The following MGAT4C variants were observed in gnomAD, a reference collection of about 807,000 sequenced individuals.
MGAT4C encodes the protein MGAT4 family member C.
In MGAT4C, 19 loss-of-function variants were observed where a neutral mutation model predicts 40.1. That is an observed-to-expected ratio of 0.47 (90% CI 0.33 to 0.70). The LOEUF is 0.70. Ranked by LOEUF, MGAT4C falls within the 30% of genes least tolerant of loss-of-function variation. MGAT4C has a pLI of 0.02. For missense variants in MGAT4C, 491 were observed against 563.2 expected (o/e 0.87, Z 1.30); for synonymous variants, 181 against 187.1 (o/e 0.97, Z 0.27).
At chr12:86,794,179 T>C (rs1161873569) in intron 1 of MGAT4C, among the ~76,000 whole-genome samples, 1 of 151,812 alleles carries the variant, frequency 6.6e-6, no homozygotes, top group Non-Finnish European at 1.5e-5. Flanking sequence ...TTTATAAAAA[T>C]ATATTCAGAC....
At position 86,317,620 on chromosome 12, in the gene MGAT4C, TAAC is replaced by T. The variant is rs1954275345; in HGVS notation, c.-57+16442_-57+16444del. Among the ~76,000 whole-genome samples, 20 of 152,176 alleles carry T rather than the reference TAAC, an allele frequency of 1.3e-4. No homozygotes were observed. In the South Asian group the frequency reaches 3.9e-3, roughly 30 times the overall value. ...TGACTTTGGGCTTATTTTATGTAGA[TAAC>T]AAAGCAAACCTCTACTCTTTTGAGA... On this transcript the variant is annotated intron_variant, in intron 4 of 7. Transcript: ENST00000548651.
chr12:86,814,737 T>C (rs1056279887), intron 1 of MGAT4C, among the ~76,000 whole-genome samples: 2 of 151,930 alleles, frequency 1.3e-5, no homozygotes, highest in African/African-American at 4.8e-5. Context: ...CCCTCTTGAA[T>C]GGGATGAGTG....
rs1277856310 is a variant in MGAT4C, at chr12:86,215,599, CA to C, written c.-57+40639del. On this transcript the variant is annotated intron_variant, in intron 1 of 4. Coordinates refer to ENST00000611864, the MANE Select transcript of MGAT4C (RefSeq NM_001351288.2). ...GCTGTAACCAATCAAGCTGTTTCTG[CA>C]TATTTCTTCCTTTTTTTCTGTCTGC... 7.2e-5 allele frequency among the ~76,000 whole-genome samples: 11 copies of C among 152,116 alleles called. 1 individual carries two copies. The highest frequency in any genetic ancestry group is 1.3e-4 in the Non-Finnish European group (9 of 68,030).
intron 3 of MGAT4C, among the ~76,000 whole-genome samples, chr12:86,384,446 TG>T (rs1956015051): frequency 6.6e-6 from 1 of 152,168 alleles, no homozygotes; most frequent in African/African-American, 2.4e-5. Flanking sequence ...GGGATAATGG[TG>T]TTCAGGATTG....
Position 86,834,477 on chromosome 12 carries a change from G to C in MGAT4C, c.-262+4189C>G, listed in dbSNP as rs189821754. Among the ~76,000 whole-genome samples the C allele has an allele frequency of 7.9e-5, 12 of 151,838 alleles. No individual in the cohort carries two copies. In the East Asian group the frequency reaches 1.9e-3, roughly 25 times the overall value. Reference sequence around the variant, plus strand: ...GTGGACCTGGATGTGGTGATGTTATGACAGAAACAACAATAACCATTAATA... The same window carrying C: ...GTGGACCTGGATGTGGTGATGTTATCACAGAAACAACAATAACCATTAATA... On this transcript the variant is annotated intron_variant, in intron 1 of 7. Transcript: ENST00000548651.
chr12:86,765,722 A>C (rs1325242497), intron 1 of MGAT4C, among the ~76,000 whole-genome samples: 3 of 152,208 alleles, frequency 2.0e-5, no homozygotes, highest in Non-Finnish European at 4.4e-5. Flanking sequence ...CAACATTCTT[A>C]AAGAAAAGAA....
chr12:86,551,445 C>A (rs1044367726), intron 2 of MGAT4C, among the ~76,000 whole-genome samples: 1 of 152,228 alleles, frequency 6.6e-6, no homozygotes, highest in African/African-American at 2.4e-5. Context: ...GGCAGACATT[C>A]CTCCAGGCCA....
intron 2 of MGAT4C, among the ~76,000 whole-genome samples, chr12:86,630,857 C>A (rs145199302): frequency 6.6e-6 from 1 of 152,116 alleles, no homozygotes; most frequent in Non-Finnish European, 1.5e-5. Flanking sequence ...ACAGGGATGC[C>A]GTCTTTCACC....
At chr12:86,456,432 A>C (rs146943227) in intron 2 of MGAT4C, among the ~76,000 whole-genome samples, 3 of 152,228 alleles carry the variant, frequency 2.0e-5, no homozygotes, top group African/African-American at 7.2e-5. Flanking sequence ...TGTGTTTCAA[A>C]AACCATCCTT....
chr12:86,471,531 C>G (rs1957757768), intron 2 of MGAT4C, among the ~76,000 whole-genome samples: 1 of 151,544 alleles, frequency 6.6e-6, no homozygotes, highest in Non-Finnish European at 1.5e-5. Flanking sequence ...TAAATACTTA[C>G]AAAAAAAGGA....
chr12:86,176,547 T>G (rs1420169558), intron 1 of MGAT4C, among the ~76,000 whole-genome samples: 1 of 152,088 alleles, frequency 6.6e-6, no homozygotes, highest in Non-Finnish European at 1.5e-5. Flanking sequence ...TCTGGCAATT[T>G]GACTCTATAG....
intron 3 of MGAT4C, among the ~76,000 whole-genome samples, chr12:86,336,410 C>T (rs1479527548): frequency 6.6e-6 from 1 of 152,166 alleles, no homozygotes; most frequent in Non-Finnish European, 1.5e-5. Flanking sequence ...ATTTTTCTTT[C>T]ACATTCTCAG....
intron 1 of MGAT4C, among the ~76,000 whole-genome samples, chr12:86,144,045 G>A (rs563659676): frequency 5.3e-5 from 8 of 152,284 alleles, no homozygotes; most frequent in Non-Finnish European, 1.0e-4. Context: ...GGGATGATGC[G>A]CACAAGTACG....
chr12:86,526,395 C>T (rs901187628), intron 2 of MGAT4C, among the ~76,000 whole-genome samples: 2 of 152,120 alleles, frequency 1.3e-5, no homozygotes, highest in African/African-American at 4.8e-5. Context: ...CACACACACA[C>T]AAAGTGATAT....
intron 2 of MGAT4C, among the ~76,000 whole-genome samples, chr12:86,480,666 G>C (rs1565790696): frequency 6.6e-6 from 1 of 151,134 alleles, no homozygotes; most frequent in Non-Finnish European, 1.5e-5. Context: ...GTACGTATGT[G>C]TGTATATATG....
At chr12:86,585,913 A>T (rs1015596337) in intron 2 of MGAT4C, among the ~76,000 whole-genome samples, 1 of 150,744 alleles carries the variant, frequency 6.6e-6, no homozygotes, top group East Asian at 2.0e-4. Flanking sequence ...TGAATTTCTC[A>T]CAACACTACA....
intron 2 of MGAT4C, among the ~76,000 whole-genome samples, chr12:86,027,112 A>T (rs1335282469): frequency 6.6e-6 from 1 of 151,844 alleles, no homozygotes; most frequent in Non-Finnish European, 1.5e-5. Context: ...GAAATAACGA[A>T]TTTTTCACTA....
rs1475798342 is a variant in MGAT4C at position 86,819,817 on chromosome 12, T to G, written c.-262+18849A>C. 4.0e-5 allele frequency among the ~76,000 whole-genome samples: 6 copies of G among 150,794 alleles called. 1 individual carries two copies. The East Asian group carries it at 1.2e-3, about 29-fold the overall frequency. The stretch of plus-strand genomic sequence containing the variant: ...TAAAGTTGCACTATTAAGGCTTAGA[T>G]TTTAAAAGGTTATTTAACAAAAACC... On this transcript the variant is annotated intron_variant, in intron 1 of 7. Coordinates refer to the MGAT4C transcript ENST00000548651.
intron 2 of MGAT4C, among the ~76,000 whole-genome samples, chr12:86,531,792 T>C (rs1338976870): frequency 6.6e-6 from 1 of 151,986 alleles, no homozygotes; most frequent in Admixed American, 6.6e-5. Context: ...ATTTTAATTA[T>C]ACTTAACTGT....
Sources: gnomAD v4.1 joint callset for allele counts (sites outside exome capture counted in the v4.1 genomes callset) on GRCh38, gnomAD v4.1.1 for gene constraint, MANE v1.5 for transcripts, NCBI Gene and HGNC (gene_info 2026-07-23, HGNC 2026-07-21) for gene names.